CNBD1: variants seen among roughly 807,000 people sequenced by gnomAD.
CNBD1 encodes the protein cyclic nucleotide-binding domain-containing protein 1.
Under a neutral mutation model 54.4 loss-of-function variants are expected in CNBD1, and 71 were observed. That is an observed-to-expected ratio of 1.30 (90% CI 1.08 to 1.59). The LOEUF is 1.59. Ranked by LOEUF, CNBD1 falls within the 40% of genes most tolerant of loss-of-function variation. The pLI is 0.00. For synonymous variants in CNBD1, 182 were observed against 170.7 expected (o/e 1.07, Z -0.51); for missense variants, 659 against 518.0 (o/e 1.27, Z -2.64).
At chr8:86,987,511 T>TTC (rs1259858422) in intron 4 of CNBD1, among the ~76,000 whole-genome samples, 1 of 152,160 alleles carries the variant, frequency 6.6e-6, no homozygotes, top group East Asian at 1.9e-4. Context: ...CTTGTCCAAT[T>TTC]GCTTTGGCTA....
chr8:87,346,594 A>C (rs10102693), intron 8 of CNBD1, among the ~76,000 whole-genome samples: 85,992 of 151,624 alleles, frequency 0.57, 25,903 homozygotes, highest in African/African-American at 0.77. Flanking sequence ...TATACACAAA[A>C]ATGTATAATA....
chr8:87,020,621 A>G (rs543241036), intron 4 of CNBD1, among the ~76,000 whole-genome samples: 5 of 152,176 alleles, frequency 3.3e-5, no homozygotes, highest in Non-Finnish European at 7.3e-5. Flanking sequence ...TTAACCCTAT[A>G]TATTGTGACT....
chr8:87,337,730 G>A (rs542790987), intron 8 of CNBD1, among the ~76,000 whole-genome samples: 11 of 152,324 alleles, frequency 7.2e-5, no homozygotes, highest in African/African-American at 1.4e-4. Context: ...CAGGTGTCCC[G>A]TGTGGCTCTC....
At chr8:87,200,295 T>G (rs1813830543) in intron 4 of CNBD1, among the ~76,000 whole-genome samples, 1 of 152,094 alleles carries the variant, frequency 6.6e-6, no homozygotes, top group South Asian at 2.1e-4. Flanking sequence ...GCTCCATACC[T>G]AAAAACATCA....
chr8:87,093,902 C>T (rs1352781798), intron 4 of CNBD1, among the ~76,000 whole-genome samples: 5 of 152,106 alleles, frequency 3.3e-5, no homozygotes, highest in East Asian at 1.9e-4. Flanking sequence ...TCCATAGAAC[C>T]CTCTGCTAAT....
intron 4 of CNBD1, among the ~76,000 whole-genome samples, chr8:87,101,442 A>AAT (rs201383561): frequency 0.016 from 2,485 of 150,980 alleles, 38 homozygotes; most frequent in Non-Finnish European, 0.018. Flanking sequence ...TACAACTATA[A>AAT]ATATATATAT....
intron 6 of CNBD1, among the ~76,000 whole-genome samples, chr8:87,244,073 G>A (rs758850613): frequency 3.9e-5 from 6 of 152,166 alleles, no homozygotes; most frequent in Non-Finnish European, 7.4e-5. Flanking sequence ...TGGTCCTGAT[G>A]ATATCTGCCC....
intron 4 of CNBD1, among the ~76,000 whole-genome samples, chr8:87,160,689 A>G (rs1250282558): frequency 6.6e-6 from 1 of 152,168 alleles, no homozygotes; most frequent in Admixed American, 6.6e-5. Context: ...TGCATGGTAG[A>G]ATCAAAAGGC....
intron 4 of CNBD1, among the ~76,000 whole-genome samples, chr8:86,993,556 G>A (rs534897270): frequency 1.3e-5 from 2 of 152,134 alleles, no homozygotes; most frequent in Non-Finnish European, 1.5e-5. Context: ...TAGAGTTTTT[G>A]TGCTGCTTAT....
chr8:86,996,046 G>A (rs1461549637), intron 4 of CNBD1, among the ~76,000 whole-genome samples: 1 of 152,084 alleles, frequency 6.6e-6, no homozygotes, highest in Non-Finnish European at 1.5e-5. Context: ...ATTTTCCCAA[G>A]AGAGAAAGCC....
chr8:87,328,477 G>T (rs1055422428), intron 8 of CNBD1, among the ~76,000 whole-genome samples: 1 of 149,700 alleles, frequency 6.7e-6, no homozygotes, highest in Non-Finnish European at 1.5e-5. Context: ...TATTTAATTG[G>T]CCTTTGTGCT....
chr8:87,114,018 T>A (rs988756381), intron 4 of CNBD1, among the ~76,000 whole-genome samples: 2 of 152,118 alleles, frequency 1.3e-5, no homozygotes, highest in Non-Finnish European at 2.9e-5. Flanking sequence ...TAATCTCACA[T>A]GTAAGAATAA....
At chr8:87,298,727 G>A (rs1019861408) in intron 8 of CNBD1, among the ~76,000 whole-genome samples, 5 of 151,548 alleles carry the variant, frequency 3.3e-5, no homozygotes, top group African/African-American at 1.2e-4. Flanking sequence ...CTTGTGATTT[G>A]CCTTCCTCGG....
intron 8 of CNBD1, among the ~76,000 whole-genome samples, chr8:87,335,571 A>C (rs776633385): frequency 8.6e-5 from 13 of 151,780 alleles, no homozygotes; most frequent in African/African-American, 3.1e-4. Context: ...ATTTTCCTCC[A>C]TCCCTTTATT....
chr8:86,940,784 A>G (rs1382919319), intron 4 of CNBD1, among the ~76,000 whole-genome samples: 3 of 152,256 alleles, frequency 2.0e-5, no homozygotes, highest in Admixed American at 6.5e-5. Context: ...AAAAAAATCA[A>G]TAGCAGGGAA....
Position 87,351,766 on chromosome 8 carries a change from G to A in CNBD1, c.1124G>A (p.Gly375Glu), listed in dbSNP as rs1488581303. The A allele has an allele frequency of 1.3e-6, 2 of 1,512,068 alleles. No homozygotes were observed. Among genetic ancestry groups the A allele is most frequent in the Admixed American group, 2.5e-5 (1 of 39,238 alleles). 93.7% of individuals were successfully genotyped at this position (1,512,068 alleles called of 1,614,324 possible). A position where few individuals can be genotyped will look rare whatever the true frequency, so the allele number is the denominator to read the frequency against. ...GCCNIYRSIIGFVKLRSNKVK... is the reference protein window; with the variant it reads ...GCCNIYRSIIEFVKLRSNKVK... ...TGTAACATTTATAGAAGTATTATAG[G>A]ATTTGTGAAACTACGATCAAATAAA... The change falls in exon 9 of 11, where the codon GGA (glycine) becomes GAA (glutamate). Residue 375 changes from glycine (G) to glutamate (E), a missense_variant. Transcript: ENST00000518476.
intron 2 of CNBD1, among the ~76,000 whole-genome samples, chr8:86,901,898 C>A (rs1238746836): frequency 1.3e-5 from 2 of 152,242 alleles, no homozygotes. Context: ...TGGTAGTATT[C>A]CCTGACTGTA....
intron 2 of CNBD1, among the ~76,000 whole-genome samples, chr8:87,392,925 A>G (rs1021274482): frequency 2.6e-5 from 4 of 151,916 alleles, no homozygotes; most frequent in Admixed American, 1.3e-4. Context: ...ATCAGGGTAA[A>G]CAATGACATG....
At chr8:87,323,623 G>C (rs952538342) in intron 8 of CNBD1, among the ~76,000 whole-genome samples, 1 of 131,438 alleles carries the variant, frequency 7.6e-6, no homozygotes, top group Non-Finnish European at 1.7e-5. Flanking sequence ...TGGTGTATAA[G>C]AATGCTTGTG....
Sources: allele counts gnomAD v4.1 joint callset (sites outside exome capture counted in the v4.1 genomes callset), GRCh38; gene constraint gnomAD v4.1.1; transcripts MANE v1.5; gene names NCBI Gene and HGNC (gene_info 2026-07-23, HGNC 2026-07-21).